CHAF1A: variants seen among roughly 807,000 people sequenced by gnomAD.
CHAF1A encodes chromatin assembly factor 1 subunit A.
CHAF1A carries 5 observed loss-of-function variants against 93.2 expected under a neutral mutation model. The observed-to-expected ratio is 0.05, with a 90% confidence interval of 0.03 to 0.11. The LOEUF (loss-of-function observed/expected upper bound fraction) is 0.11, where lower values mean the gene tolerates loss of function less well. Among genes scored for constraint, CHAF1A ranks in the 10% least tolerant of loss-of-function variants. The pLI, the probability that CHAF1A is intolerant of heterozygous loss-of-function variation, is 1.00. For synonymous variants in CHAF1A, 504 were observed against 510.3 expected, an observed-to-expected ratio of 0.99 and a Z score of 0.17; for missense variants, 1,102 against 1,259.9, an observed-to-expected ratio of 0.87 and a Z score of 1.90.
At position 4,443,185 on chromosome 19, in the gene CHAF1A, T is replaced by C. The variant is rs1599668413; in HGVS notation, c.*160T>C. ...GGATGCTGGATTAGTTCCTTTGATATTTGTAAAAATTCCCCCAAGAGCCGC... is the reference window on the plus strand; with the variant it reads ...GGATGCTGGATTAGTTCCTTTGATACTTGTAAAAATTCCCCCAAGAGCCGC... On this transcript the variant is annotated 3_prime_UTR_variant, in exon 15 of 15. Transcript: ENST00000301280. 4 of 652,222 alleles carry C rather than the reference T, an allele frequency of 6.1e-6. No homozygotes were observed. Among genetic ancestry groups the C allele is most frequent in the Non-Finnish European group, 1.1e-5 (4 of 354,688 alleles). 40.4% of individuals were successfully genotyped at this position (652,222 alleles called of 1,614,324 possible).
At chr19:4,419,664 C>G (rs532562522) in intron 4 of CHAF1A, among the ~76,000 whole-genome samples, 66 of 152,288 alleles carry the variant, frequency 4.3e-4, no homozygotes, top group African/African-American at 1.5e-3. Flanking sequence ...CTCCTGACTT[C>G]AGGTGATCCA....
intron 12 of CHAF1A, 116 bp downstream of exon 12, chr19:4,432,323 A>C: frequency 2.5e-6 from 3 of 1,209,092 alleles, no homozygotes; most frequent in Non-Finnish European, 3.4e-6. Context: ...TCCACAAATA[A>C]CAGAGGCCAG....
chr19:4,430,041 A>G (rs558949911), intron 10 of CHAF1A: 2 of 474,550 alleles, frequency 4.2e-6, no homozygotes, highest in Admixed American at 3.8e-5. Context: ...CCGTGGCCCC[A>G]CAGCCCCCTC....
Position 4,429,483 on chromosome 19 carries a change from G to C in CHAF1A, c.1650G>C (p.Glu550Asp), listed in dbSNP as rs1329313309. The stretch of plus-strand genomic sequence containing the variant: ...GTGGGAAGGGCGACGGTGTTCCCGA[G>C]AGGAGGAAGTTTGGCAGGATGAAGC... The part of the protein sequence containing the change: ...VERGKGDGVP[E>D]RRKFGRMKLL... The change falls in exon 9 of 15, where the codon GAG becomes GAC. Residue 550 changes from glutamate (E) to aspartate (D), a missense_variant. Around this residue, in one of 6 missense-constraint regions of CHAF1A, gnomAD observed 335 missense variants for 361.9 expected, o/e 0.93. Coordinates refer to ENST00000301280, the MANE Select transcript of CHAF1A (RefSeq NM_005483.3). 1 of 1,614,074 alleles carries C rather than the reference G, an allele frequency of 6.2e-7. No individual in the cohort carries two copies.
chr19:4,429,005 G>A (rs1025597434), intron 8 of CHAF1A, 115 bp downstream of exon 8: 2 of 800,948 alleles, frequency 2.5e-6, no homozygotes, highest in Non-Finnish European at 4.0e-6. Flanking sequence ...GCTTCCTAGT[G>A]CCCTCGGGCC....
intron 12 of CHAF1A, among the ~76,000 whole-genome samples, 185 bp downstream of exon 12, chr19:4,432,392 G>T (rs997880685): frequency 6.6e-6 from 1 of 152,134 alleles, no homozygotes; most frequent in Non-Finnish European, 1.5e-5. Flanking sequence ...GACGAGGCAG[G>T]TCCCTTAATT....
In CHAF1A at chr19:4,409,327, T is replaced by C. The variant is rs1237065811; in HGVS notation, c.528T>C (p.Leu176=). The C allele has an allele frequency of 6.2e-7, 1 of 1,614,066 alleles. No individual in the cohort carries two copies. Among genetic ancestry groups the C allele is most frequent in the Admixed American group, 1.7e-5 (1 of 60,016 alleles). ...NDKLAFPGET[L]SDIPCKTEEE... ...AGTTGGCATTTCCTGGAGAGACCCT[T>C]TCAGACATTCCTTGCAAAACAGAGG... Residue 176 remains leucine (L), a synonymous_variant, in exon 3 of 15, where the codon CTT becomes CTC. Coordinates refer to ENST00000301280, the MANE Select transcript of CHAF1A (RefSeq NM_005483.3).
chr19:4,414,845 A>G (rs567800828), intron 3 of CHAF1A, among the ~76,000 whole-genome samples: 3 of 151,814 alleles, frequency 2.0e-5, no homozygotes, highest in South Asian at 2.1e-4. Context: ...CCCAGCTTGC[A>G]CTCTCTCATG....
At position 4,433,681 on chromosome 19, in the gene CHAF1A, A is replaced by G; in HGVS notation, c.2673+142A>G. On this transcript the variant is annotated intron_variant, in intron 13 of 14. Transcript: ENST00000301280. This position sits in a 1 kb window ranked among gnomAD's most constrained non-coding sequence, Gnocchi z 5.6. Reference sequence around the variant, plus strand: ...AGTGGCGCAATCTCAGCTCACTGCAACCTCCTCCCTCCTGGGTTCAAGTGA... The same window carrying G: ...AGTGGCGCAATCTCAGCTCACTGCAGCCTCCTCCCTCCTGGGTTCAAGTGA... 1.5e-6 allele frequency: 1 copy of G among 648,346 alleles called. No homozygotes were observed. The allele number at this position is 648,346 out of a possible 1,614,324, so 40.2% of individuals were successfully genotyped here.
At chr19:4,445,546 G>A (rs1974489396), downstream of CHAF1A, 2 of 1,613,920 alleles carry the variant, frequency 1.2e-6, no homozygotes, top group Non-Finnish European at 1.7e-6. Flanking sequence ...TCAGGATGGA[G>A]TCCGGCTCGG....
chr19:4,409,026 A>G lies in CHAF1A; in HGVS notation c.227A>G (p.Glu76Gly), dbSNP rs1478234852. 4 of 1,614,224 alleles carry G rather than the reference A, an allele frequency of 2.5e-6. No individual in the cohort carries two copies. The highest frequency in any genetic ancestry group is 3.3e-4 in the Middle Eastern group (2 of 6,062). ...TTAGAGGCCTCTTTGGACACCTTGG[A>G]AAACAACTGTCATGTGGGTTCTGAC... ...PDLEASLDTL[E>G]NNCHVGSDID... is the part of the protein sequence containing the mutation. Residue 76 changes from glutamate (E) to glycine (G), a missense_variant, in exon 3 of 15, where the codon GAA becomes GGA. Around this residue, in one of 6 missense-constraint regions of CHAF1A, gnomAD observed 379 missense variants for 365.7 expected, o/e 1.04. Coordinates refer to ENST00000301280, the MANE Select transcript of CHAF1A (RefSeq NM_005483.3).
chr19:4,415,948 C>T (rs977407800), intron 3 of CHAF1A, among the ~76,000 whole-genome samples: 4 of 151,834 alleles, frequency 2.6e-5, no homozygotes, highest in East Asian at 1.9e-4. Flanking sequence ...CCGAGGCGGG[C>T]GGATCACGAG....
At chr19:4,428,982 CCTT>C (rs1974133109) in intron 8 of CHAF1A, 92 bp downstream of exon 8, 1 of 1,022,024 alleles carries the variant, frequency 9.8e-7, no homozygotes. Flanking sequence ...AGCTCTGGGT[CCTT>C]CTGTTGCTTG....
chr19:4,432,135 T>A lies in CHAF1A; in HGVS notation c.2131T>A (p.Phe711Ile), dbSNP rs770152521. 1 of 1,613,406 alleles carries A rather than the reference T, an allele frequency of 6.2e-7. No homozygotes were observed. The highest frequency in any genetic ancestry group is 2.2e-5 in the East Asian group (1 of 44,844). The change falls in exon 12 of 15, where the codon TTC (phenylalanine) becomes ATC (isoleucine). Residue 711 changes from phenylalanine to isoleucine, a missense_variant. By Grantham distance (21) the Phe-to-Ile change is conservative. Transcript: ENST00000301280. ...LKVLQQFAAC[F>I]LETLPAQEEQ... ...GGTACTGCAGCAGTTCGCAGCCTGC[T>A]TCCTGGAGACCCTGCCGGCCCAGGA...
At chr19:4,403,626 G>C (rs1162019697) in intron 1 of CHAF1A, among the ~76,000 whole-genome samples, 4 of 152,262 alleles carry the variant, frequency 2.6e-5, no homozygotes, top group Non-Finnish European at 5.9e-5. Flanking sequence ...AGGGTGTTAA[G>C]CATCATCCCT....
At chr19:4,403,038 G>C (rs919258527) in intron 1 of CHAF1A, among the ~76,000 whole-genome samples, 1 of 152,238 alleles carries the variant, frequency 6.6e-6, no homozygotes, top group Non-Finnish European at 1.5e-5. Context: ...TGTTTCCGGC[G>C]CTTTTGCGTC....
chr19:4,450,525 G>C, the CHAF1A span: 5 of 152,022 alleles, frequency 3.3e-5, no homozygotes, highest in Non-Finnish European at 7.4e-5. Context: ...TTGGGAGGCC[G>C]AGGCGGGCGG....
chr19:4,447,860 A>T, downstream of CHAF1A: 1 of 559,762 alleles, frequency 1.8e-6, no homozygotes, highest in Non-Finnish European at 3.2e-6. Flanking sequence ...TCACCGTCCC[A>T]CCAGCCCTGG....
Position 4,433,281 on chromosome 19 carries a change from C to T in CHAF1A, c.2415C>T (p.Asn805=). 1 of 1,614,228 alleles carries T rather than the reference C, an allele frequency of 6.2e-7. No individual in the cohort carries two copies. Among genetic ancestry groups the T allele is most frequent in the Non-Finnish European group, 8.5e-7 (1 of 1,180,046 alleles). The part of the protein sequence containing the change: ...KSRLKRLISE[N]SVYEKRPDFR... ...GGCTCAAGCGGCTCATTTCCGAGAA[C>T]TCAGTGTATGAGAAGCGGCCTGACT... The change falls in exon 13 of 15, where the codon AAC becomes AAT. Residue 805 remains asparagine (N), a synonymous_variant. Transcript: ENST00000301280. This position sits in a 1 kb window ranked among gnomAD's most constrained non-coding sequence, Gnocchi z 5.6.
Sources: allele counts gnomAD v4.1 joint callset (sites outside exome capture counted in the v4.1 genomes callset), GRCh38; gene constraint gnomAD v4.1.1; regional missense constraint gnomAD v4.1.1; non-coding constraint Gnocchi (gnomAD v3.1); transcripts MANE v1.5; gene names NCBI Gene and HGNC (gene_info 2026-07-23, HGNC 2026-07-21).